MICU3: variants seen among roughly 807,000 people sequenced by gnomAD.
The protein encoded by MICU3 is calcium uptake protein 3, mitochondrial.
A neutral mutation model predicts 66.5 loss-of-function variants in MICU3; 62 were observed. The ratio of observed to expected loss-of-function variants is 0.93; its 90% CI spans 0.76 to 1.15. The LOEUF is 1.15. Among genes scored for constraint, MICU3 ranks in the 50% most tolerant of loss-of-function variants. The pLI is 0.00. For synonymous variants in MICU3, 308 were observed against 240.7 expected, an observed-to-expected ratio of 1.28 and a Z score of -2.59; for missense variants, 779 against 664.4, an observed-to-expected ratio of 1.17 and a Z score of -1.90.
chr8:17,086,251 C>T (rs932442017), intron 6 of MICU3, among the ~76,000 whole-genome samples: 1 of 152,040 alleles, frequency 6.6e-6, no homozygotes, highest in Non-Finnish European at 1.5e-5. Flanking sequence ...GAAGCTGAAA[C>T]TCAGAGGAAG....
At chr8:17,075,464 T>A (rs1018916716) in intron 3 of MICU3, among the ~76,000 whole-genome samples, 1 of 152,148 alleles carries the variant, frequency 6.6e-6, no homozygotes, top group Non-Finnish European at 1.5e-5. Flanking sequence ...ATTTAGAGTC[T>A]GCTTCCTAGG....
chr8:17,122,451 A>C lies in MICU3; in HGVS notation c.*2164A>C, dbSNP rs1384936686. On this transcript the variant is annotated 3_prime_UTR_variant, in exon 15 of 15. Transcript: ENST00000318063. ...TCTTTGGAAAAATTAAGTTATACATAAAATTCATATTAAACTTTTTACAGA... is the reference window on the plus strand; with the variant it reads ...TCTTTGGAAAAATTAAGTTATACATCAAATTCATATTAAACTTTTTACAGA... 6.6e-6 allele frequency: 1 copy of C among 151,886 alleles called. No individual in the cohort carries two copies. Among genetic ancestry groups the C allele is most frequent in the African/African-American group, 2.4e-5 (1 of 41,438 alleles). 9.4% of individuals were successfully genotyped at this position (151,886 alleles called of 1,614,324 possible).
intron 1 of MICU3, among the ~76,000 whole-genome samples, chr8:17,030,886 C>A (rs1436246854): frequency 6.6e-6 from 1 of 152,164 alleles, no homozygotes. Flanking sequence ...AATTATCACT[C>A]CTCCATCTCT....
intron 6 of MICU3, among the ~76,000 whole-genome samples, chr8:17,086,207 A>G (rs1299565344): frequency 6.6e-6 from 1 of 152,124 alleles, no homozygotes; most frequent in Non-Finnish European, 1.5e-5. Flanking sequence ...AAAATTCCTC[A>G]GAAAACCTCT....
At chr8:17,082,465 G>A (rs181166930) in intron 5 of MICU3, among the ~76,000 whole-genome samples, 9 of 152,156 alleles carry the variant, frequency 5.9e-5, no homozygotes, top group Admixed American at 3.3e-4. Flanking sequence ...TCTTTACTGC[G>A]TTGCATATTC....
chr8:17,136,070 A>T, the MICU3 span, among the ~76,000 whole-genome samples: 2 of 151,994 alleles, frequency 1.3e-5, no homozygotes, highest in Admixed American at 6.6e-5. Context: ...CACATAAAGT[A>T]AATTCATGGA....
chr8:17,089,659 G>A (rs1177199617), intron 7 of MICU3, among the ~76,000 whole-genome samples: 1 of 151,988 alleles, frequency 6.6e-6, no homozygotes, highest in East Asian at 1.9e-4. Flanking sequence ...TTACCTGGAT[G>A]ACCTTGGACA....
downstream of MICU3, among the ~76,000 whole-genome samples, chr8:17,127,464 T>A (rs1237518758): frequency 2.6e-5 from 2 of 76,468 alleles, no homozygotes; most frequent in Non-Finnish European, 5.3e-5. Context: ...ATTTGCTTGT[T>A]GTTCAGCCTA....
intron 1 of MICU3, among the ~76,000 whole-genome samples, chr8:17,043,002 C>G (rs553104694): frequency 2.2e-5 from 3 of 135,538 alleles, no homozygotes; most frequent in South Asian, 2.4e-4. Context: ...TGCAGTGGCG[C>G]TATCCCGGCT....
At chr8:17,044,072 T>A (rs1268742372) in intron 1 of MICU3, among the ~76,000 whole-genome samples, 1 of 152,224 alleles carries the variant, frequency 6.6e-6, no homozygotes, top group Non-Finnish European at 1.5e-5. Flanking sequence ...TGCCTTTTGC[T>A]AGCAAATGAT....
chr8:17,098,516 G>GT lies in MICU3; in HGVS notation c.948dup (p.Asn317Ter). On this transcript the variant is annotated frameshift_variant, in exon 9 of 15. Coordinates refer to ENST00000318063, the MANE Select transcript of MICU3 (RefSeq NM_181723.3). LOFTEE classifies it high-confidence loss of function. ...AGAAGCTATTGGGATACACTGAGAC[G>GT]TAACACAAGCCAAGCACTGTTTTCA... 1 of 1,611,580 alleles carries GT rather than the reference G, an allele frequency of 6.2e-7. No homozygotes were observed.
At chr8:17,137,705 CTTTTTTTTTTTTTTT>C in the MICU3 span, among the ~76,000 whole-genome samples, 5 of 102,884 alleles carry the variant, frequency 4.9e-5, no homozygotes, top group Non-Finnish European at 1.1e-4. Flanking sequence ...TTTTCTTTTC[CTTTTTTTTTTTTTTT>C]TTTTTTTTTT....
intron 1 of MICU3, among the ~76,000 whole-genome samples, chr8:17,050,155 A>G (rs757658383): frequency 1.3e-5 from 2 of 152,168 alleles, no homozygotes; most frequent in Non-Finnish European, 2.9e-5. Context: ...ATCTATAGCT[A>G]TTAAATTTTA....
At chr8:17,094,436 A>G (rs1800446901) in intron 8 of MICU3, among the ~76,000 whole-genome samples, 1 of 152,086 alleles carries the variant, frequency 6.6e-6, no homozygotes, top group Admixed American at 6.6e-5. Context: ...TAACATAAAC[A>G]TTTTAATGTA....
At chr8:17,094,335 CAT>C (rs1422828713) in intron 8 of MICU3, among the ~76,000 whole-genome samples, 1 of 151,992 alleles carries the variant, frequency 6.6e-6, no homozygotes, top group African/African-American at 2.4e-5. Context: ...ATTTTGTTTA[CAT>C]ATGTTATGTA....
chr8:17,117,269 C>G (rs754237455), intron 13 of MICU3, among the ~76,000 whole-genome samples: 1 of 152,198 alleles, frequency 6.6e-6, no homozygotes, highest in Non-Finnish European at 1.5e-5. Flanking sequence ...TGAACCACCA[C>G]ACCTGGCCAC....
chr8:17,120,098 CTAAGAT>C (rs1218654338), intron 14 of MICU3, among the ~76,000 whole-genome samples, 184 bp from the exon 15 acceptor site: 1 of 152,092 alleles, frequency 6.6e-6, no homozygotes, highest in Non-Finnish European at 1.5e-5. Context: ...TTCTCTAAGC[CTAAGAT>C]TGAGGATTGC....
At chr8:17,041,880 G>T (rs185393908) in intron 1 of MICU3, among the ~76,000 whole-genome samples, 118 of 152,258 alleles carry the variant, frequency 7.7e-4, no homozygotes, top group African/African-American at 2.8e-3. Flanking sequence ...GAAATAAGAG[G>T]TGATGTCATC....
At chr8:17,036,886 G>T (rs1300863523) in intron 1 of MICU3, among the ~76,000 whole-genome samples, 1 of 152,244 alleles carries the variant, frequency 6.6e-6, no homozygotes, top group Non-Finnish European at 1.5e-5. Flanking sequence ...CGTTGGGGAG[G>T]CTTGGGCCGC....
Sources: gnomAD v4.1 joint callset for allele counts (sites outside exome capture counted in the v4.1 genomes callset) on GRCh38, gnomAD v4.1.1 for gene constraint, MANE v1.5 for transcripts, NCBI Gene and HGNC (gene_info 2026-07-23, HGNC 2026-07-21) for gene names.